CDH4: variants seen among roughly 807,000 people sequenced by gnomAD.
CDH4 encodes cadherin 4.
CDH4 carries 33 observed loss-of-function variants against 86.0 expected under a neutral mutation model. That is an observed-to-expected ratio of 0.38 (90% CI 0.29 to 0.51). The LOEUF (loss-of-function observed/expected upper bound fraction) is 0.51. Ranked by LOEUF, CDH4 falls within the 20% of genes least tolerant of loss-of-function variation. The pLI is 0.86. For synonymous variants in CDH4, 555 were observed against 549.4 expected, an observed-to-expected ratio of 1.01 and a Z score of -0.14; for missense variants, 1,114 against 1,307.4, an observed-to-expected ratio of 0.85 and a Z score of 2.28.
Position 61,873,729 on chromosome 20 carries a change from C to A in CDH4, c.879C>A (p.Gly293=), listed in dbSNP as rs751594330. The A allele has an allele frequency of 1.2e-6, 2 of 1,612,506 alleles. No homozygotes were observed. Among genetic ancestry groups the A allele is most frequent in the Non-Finnish European group, 1.7e-6 (2 of 1,179,666 alleles). The change falls in exon 7 of 16, where the codon GGC becomes GGA. Residue 293 remains glycine, a splice_region_variant and synonymous_variant. Transcript: ENST00000614565. ...TCTGAGCTGCTGTCTCCGTTCCAGG[C>A]ACCTACGTGATGACCGTCACGGCCA... ...NGSVDEGSKP[G]TYVMTVTAND... is the part of the protein sequence containing the mutation.
intron 2 of CDH4, among the ~76,000 whole-genome samples, chr20:61,488,708 G>A (rs2085609746): frequency 6.6e-6 from 1 of 152,182 alleles, no homozygotes; most frequent in African/African-American, 2.4e-5. Flanking sequence ...AAGCCATAAG[G>A]CTGAAAATGC....
At chr20:61,564,771 A>G (rs2086251122) in intron 2 of CDH4, among the ~76,000 whole-genome samples, 1 of 152,148 alleles carries the variant, frequency 6.6e-6, no homozygotes, top group African/African-American at 2.4e-5. Flanking sequence ...TGGGATCGGG[A>G]AGGAATAGAA....
intron 2 of CDH4, among the ~76,000 whole-genome samples, chr20:61,461,317 G>A (rs895706658): frequency 3.9e-5 from 6 of 152,072 alleles, no homozygotes; most frequent in East Asian, 1.9e-4. Flanking sequence ...TCAAAGCTTC[G>A]CAGACACTGT....
intron 2 of CDH4, among the ~76,000 whole-genome samples, chr20:61,436,086 G>T (rs1019804338): frequency 6.6e-6 from 1 of 152,066 alleles, no homozygotes; most frequent in Non-Finnish European, 1.5e-5. Flanking sequence ...TCATGCTCCA[G>T]ATCCCAGGTC....
Position 61,544,190 on chromosome 20 carries a change from T to C in CDH4, c.170-199373T>C, listed in dbSNP as rs1326430640. Among the ~76,000 whole-genome samples, 1 of 152,198 alleles carries C rather than the reference T, an allele frequency of 6.6e-6. No individual in the cohort carries two copies. Among genetic ancestry groups the C allele is most frequent in the African/African-American group, 2.4e-5 (1 of 41,466 alleles). The stretch of plus-strand genomic sequence containing the variant: ...ATCTGCGGTTCTCTTTCAGAGATGA[T>C]GCTGCCCCGTCTCCCCAGGGGACCT... On this transcript the variant is annotated intron_variant, in intron 2 of 15. Transcript: ENST00000614565. The surrounding 1 kb of genome is among the most constrained non-coding windows in gnomAD (Gnocchi z 6.5).
At position 61,410,104 on chromosome 20, in the gene CDH4, C is replaced by A. The variant is rs188880053; in HGVS notation, c.169+155167C>A. Among the ~76,000 whole-genome samples the A allele has an allele frequency of 1.0e-3, 158 of 152,372 alleles. 2 individuals carry two copies. The highest frequency in any genetic ancestry group is 7.3e-5 in the Non-Finnish European group (5 of 68,040). On this transcript the variant is annotated intron_variant, in intron 2 of 15. Transcript: ENST00000614565. The stretch of plus-strand genomic sequence containing the variant: ...TTGATCCCATGAGAATTGGCTCTTA[C>A]ACTGAGATGGGACAGGCTAGATGTA...
At chr20:61,800,590 C>G (rs1218581927) in intron 4 of CDH4, among the ~76,000 whole-genome samples, 2 of 152,258 alleles carry the variant, frequency 1.3e-5, no homozygotes, top group Admixed American at 6.5e-5. Flanking sequence ...CAGAGCGGGG[C>G]TGCAGTGTGA....
intron 2 of CDH4, among the ~76,000 whole-genome samples, chr20:61,476,743 C>G (rs2085538611): frequency 6.6e-6 from 1 of 152,222 alleles, no homozygotes; most frequent in African/African-American, 2.4e-5. Flanking sequence ...AAACTTTTCT[C>G]AAGCAAAACA....
intron 8 of CDH4, among the ~76,000 whole-genome samples, chr20:61,906,323 A>G (rs928367110): frequency 1.3e-5 from 2 of 152,246 alleles, no homozygotes; most frequent in African/African-American, 4.8e-5. Context: ...CTGGGTGTCA[A>G]TAAAACTTTA....
chr20:61,336,984 G>A (rs2084620599), intron 2 of CDH4, among the ~76,000 whole-genome samples: 1 of 152,172 alleles, frequency 6.6e-6, no homozygotes, highest in Non-Finnish European at 1.5e-5. Flanking sequence ...ACCTTGGAAT[G>A]ACATGCCTCT....
chr20:61,846,505 GAC>G (rs554087392), intron 5 of CDH4, among the ~76,000 whole-genome samples: 1 of 151,132 alleles, frequency 6.6e-6, no homozygotes, highest in African/African-American at 2.4e-5. Flanking sequence ...GAGAGACACA[GAC>G]ACACACACAC....
chr20:61,760,374 G>A (rs2088619604), intron 3 of CDH4, among the ~76,000 whole-genome samples: 1 of 152,240 alleles, frequency 6.6e-6, no homozygotes, highest in African/African-American at 2.4e-5. Context: ...TTGCCCACAG[G>A]TGCGCGGGGA....
chr20:61,460,809 GA>G, intron 2 of CDH4, among the ~76,000 whole-genome samples: 2 of 152,380 alleles, frequency 1.3e-5, no homozygotes, highest in African/African-American at 4.8e-5. Flanking sequence ...GGGGGCTTGA[GA>G]AGGTCATCCA....
intron 2 of CDH4, among the ~76,000 whole-genome samples, chr20:61,722,502 A>G (rs2088053660): frequency 6.6e-6 from 1 of 152,164 alleles, no homozygotes. Flanking sequence ...ACCCAGGTGC[A>G]TCCCCCCAGG....
chr20:61,576,385 C>A (rs2086382752), intron 2 of CDH4, among the ~76,000 whole-genome samples: 1 of 152,078 alleles, frequency 6.6e-6, no homozygotes, highest in Non-Finnish European at 1.5e-5. Context: ...CTGAGAAACC[C>A]ACCCAGGCTA....
chr20:61,720,548 T>G (rs1240396169), intron 2 of CDH4, among the ~76,000 whole-genome samples: 3 of 120,300 alleles, frequency 2.5e-5, no homozygotes, highest in East Asian at 2.4e-4. Context: ...GTGCAGAGTG[T>G]AGGGGTGCAG....
chr20:61,317,901 T>C (rs375078451), intron 2 of CDH4, among the ~76,000 whole-genome samples: 8 of 152,332 alleles, frequency 5.3e-5, no homozygotes, highest in African/African-American at 1.9e-4. Context: ...TAATGCCCCA[T>C]GGCATTTAGG....
At chr20:61,762,310 C>T (rs2088643503) in intron 3 of CDH4, among the ~76,000 whole-genome samples, 1 of 152,244 alleles carries the variant, frequency 6.6e-6, no homozygotes. Context: ...TGGCCAGCAT[C>T]TGGTATGTAA....
At chr20:61,545,477 C>T (rs1377324663) in intron 2 of CDH4, among the ~76,000 whole-genome samples, 1 of 152,260 alleles carries the variant, frequency 6.6e-6, no homozygotes, top group Non-Finnish European at 1.5e-5. Context: ...CGGTGTCCCT[C>T]ATTGCTGGCG....
Sources: gnomAD v4.1 joint callset for allele counts (sites outside exome capture counted in the v4.1 genomes callset) on GRCh38, gnomAD v4.1.1 for gene constraint, Gnocchi (gnomAD v3.1) non-coding constraint, MANE v1.5 for transcripts, NCBI Gene and HGNC (gene_info 2026-07-23, HGNC 2026-07-21) for gene names.